Variants in IFNAR2 observed in about 807,000 individuals in gnomAD.
IFNAR2 encodes interferon alpha and beta receptor subunit 2.
In IFNAR2, 30 loss-of-function variants were observed where a neutral mutation model predicts 49.4. That is an observed-to-expected ratio of 0.61 (90% confidence interval 0.45 to 0.82). The LOEUF (loss-of-function observed/expected upper bound fraction) is 0.82, where lower values mean the gene tolerates loss of function less well. Among genes scored for constraint, IFNAR2 ranks in the 40% least tolerant of loss-of-function variants. The pLI, the probability that IFNAR2 is intolerant of heterozygous loss-of-function variation, is 0.00. For missense variants in IFNAR2, 600 were observed against 622.7 expected, an observed-to-expected ratio of 0.96 and a Z score of 0.39; for synonymous variants, 224 against 234.5, an observed-to-expected ratio of 0.96 and a Z score of 0.41.
At chr21:33,232,333 G>C (rs534382599) in intron 1 of IFNAR2, among the ~76,000 whole-genome samples, 4 of 152,228 alleles carry the variant, frequency 2.6e-5, no homozygotes, top group African/African-American at 9.6e-5. Context: ...CAGGTAATTG[G>C]CAGAGGAGGT....
At chr21:33,252,886 C>A in intron 7 of IFNAR2, 56 bp downstream of exon 7, 1 of 1,334,122 alleles carries the variant, frequency 7.5e-7, no homozygotes, top group Non-Finnish European at 1.1e-6. Context: ...ACTCTGAGGG[C>A]AAGCCTATTT....
intron 5 of IFNAR2, 117 bp from the exon 6 acceptor site, chr21:33,248,592 A>T: frequency 1.2e-6 from 1 of 832,204 alleles, no homozygotes; most frequent in African/African-American, 1.8e-5. Context: ...AAAAATTATG[A>T]TGTAAATCAG....
At position 33,265,305 on chromosome 21, in the gene IFNAR2, G is replaced by C. The variant is rs1988888950; in HGVS notation, c.*1805G>C. On this transcript the variant is annotated 3_prime_UTR_variant, in exon 9 of 9. Transcript: ENST00000342136. ...TACCCCTCACCCCTGCCCCCCTCAA[G>C]AGCTGGTTTCTCAAACCTTTCTCTT... The C allele has an allele frequency of 6.6e-6, 1 of 152,266 alleles. No individual in the cohort carries two copies. Among genetic ancestry groups the C allele is most frequent in the African/African-American group, 2.4e-5 (1 of 41,442 alleles). The allele number at this position is 152,266 out of a possible 1,614,324, so 9.4% of individuals were successfully genotyped here. A position where few individuals can be genotyped will look rare whatever the true frequency, so the allele number is the denominator to read the frequency against.
rs776250783 is a variant in IFNAR2, at chr21:33,260,635, G to A, written c.748G>A (p.Val250Met). ...ESAKIGGIIT[V>M]FLIALVLTST... ...TGCCAAAATAGGAGGAATAATTACT[G>A]TGTTTTTGATAGCATTGGTCTTGAC... is the stretch of plus-strand genomic sequence containing the variant. The change falls in exon 8 of 9, where the codon GTG (valine) becomes ATG (methionine). Residue 250 changes from valine to methionine, a missense_variant. Coordinates refer to ENST00000342136, the MANE Select transcript of IFNAR2 (RefSeq NM_001289125.3). The A allele has an allele frequency of 6.3e-7, 1 of 1,598,210 alleles. No homozygotes were observed. The highest frequency in any genetic ancestry group is 2.3e-5 in the East Asian group (1 of 44,116).
Position 33,230,479 on chromosome 21 carries a change from C to T in IFNAR2, c.-84+263C>T. ...CCACGCGTCGCCCCTGCTGGGAGTC[C>T]GCTTTCGTTGCACCCCTCCGCGTCC... On this transcript the variant is annotated intron_variant, in intron 1 of 8. Transcript: ENST00000342136. This position sits in a 1 kb window ranked among gnomAD's most constrained non-coding sequence, Gnocchi z 5.5. 2.1e-6 allele frequency: 1 copy of T among 470,204 alleles called. No individual in the cohort carries two copies. Among genetic ancestry groups the T allele is most frequent in the Non-Finnish European group, 4.4e-6 (1 of 226,846 alleles). The allele number at this position is 470,204 out of a possible 1,614,324, so 29.1% of individuals were successfully genotyped here.
Position 33,260,660 on chromosome 21 carries a change from C to T in IFNAR2, c.773C>T (p.Thr258Ile). 1 of 1,604,486 alleles carries T rather than the reference C, an allele frequency of 6.2e-7. No individual in the cohort carries two copies. The highest frequency in any genetic ancestry group is 8.5e-7 in the Non-Finnish European group (1 of 1,177,908). The change falls in exon 8 of 9, where the codon ACA (threonine) becomes ATA (isoleucine). Residue 258 changes from threonine (T) to isoleucine (I), a missense_variant. Transcript: ENST00000342136. The part of the protein sequence containing the change: ...ITVFLIALVL[T>I]STIVTLKWIG... ...GTGTTTTTGATAGCATTGGTCTTGA[C>T]AAGCACCATAGTGACACTGAAATGG... is the stretch of plus-strand genomic sequence containing the variant.
At chr21:33,262,563 G>A in intron 8 of IFNAR2, 1 of 703,604 alleles carries the variant, frequency 1.4e-6, no homozygotes, top group Non-Finnish European at 2.6e-6. Context: ...TTTTTTAGAG[G>A]CAAGGTCTCG....
At position 33,231,678 on chromosome 21, in the gene IFNAR2, C is replaced by A. The variant is rs1434622142; in HGVS notation, c.-84+1462C>A. 3 of 984,618 alleles carry A rather than the reference C, an allele frequency of 3.0e-6. No homozygotes were observed. In the African/African-American group the frequency reaches 5.2e-5, roughly 17 times the overall value. The allele number at this position is 984,618 out of a possible 1,614,324, so 61.0% of individuals were successfully genotyped here. The stretch of plus-strand genomic sequence containing the variant: ...TACCTTTATAAACCTTCAAACTGTT[C>A]AAGAGTCAATGGTATGTATCATCTT... On this transcript the variant is annotated intron_variant, in intron 1 of 8. Transcript: ENST00000342136.
intron 1 of IFNAR2, among the ~76,000 whole-genome samples, chr21:33,237,656 C>G (rs1462344866): frequency 2.0e-5 from 3 of 152,198 alleles, no homozygotes; most frequent in Non-Finnish European, 2.9e-5. Flanking sequence ...ATCAAGATAT[C>G]TCAGCAGATG....
At chr21:33,249,494 C>T (rs1049229345) in intron 6 of IFNAR2, among the ~76,000 whole-genome samples, 4 of 152,208 alleles carry the variant, frequency 2.6e-5, no homozygotes, top group Admixed American at 6.5e-5. Context: ...CTGAGCCACC[C>T]GTGAAAAGCA....
chr21:33,260,509 T>G (rs1988490002), intron 7 of IFNAR2, 88 bp from the exon 8 acceptor site: 3 of 1,254,896 alleles, frequency 2.4e-6, no homozygotes, highest in Non-Finnish European at 3.2e-6. Flanking sequence ...TTGATCATCT[T>G]GTAACACCAG....
chr21:33,245,541 A>G (rs752068211), intron 4 of IFNAR2, among the ~76,000 whole-genome samples: 24 of 152,250 alleles, frequency 1.6e-4, no homozygotes, highest in Non-Finnish European at 2.9e-4. Context: ...GCCTGGGTCC[A>G]TAGTCTGGTT....
At chr21:33,252,317 T>C (rs544158134) in intron 6 of IFNAR2, 147 of 563,758 alleles carry the variant, frequency 2.6e-4, no homozygotes, top group Non-Finnish European at 4.1e-4. Context: ...CTTTCTCAAG[T>C]GTAAAGTAGA....
chr21:33,247,250 C>T (rs17860203), intron 5 of IFNAR2, among the ~76,000 whole-genome samples: 34,297 of 81,328 alleles, frequency 0.42, 5,524 homozygotes, highest in African/African-American at 0.48. Flanking sequence ...TTCTTTCTTT[C>T]TTTCTTTTTT....
intron 5 of IFNAR2, 68 bp downstream of exon 5, chr21:33,246,958 A>C: frequency 7.3e-7 from 1 of 1,368,308 alleles, no homozygotes; most frequent in Non-Finnish European, 1.0e-6. Flanking sequence ...CTATTCCATG[A>C]AATAGGAGGT....
chr21:33,242,094 C>A, intron 2 of IFNAR2, 117 bp downstream of exon 2: 1 of 850,760 alleles, frequency 1.2e-6, no homozygotes, highest in Non-Finnish European at 1.8e-6. Context: ...CAGTACCACC[C>A]TGCCTAGTGT....
At chr21:33,256,645 T>C (rs990049910) in intron 7 of IFNAR2, among the ~76,000 whole-genome samples, 3 of 152,232 alleles carry the variant, frequency 2.0e-5, no homozygotes, top group Non-Finnish European at 4.4e-5. Context: ...ATGGTTTGTC[T>C]CTTTTATTAA....
At chr21:33,246,992 G>T in intron 5 of IFNAR2, 102 bp downstream of exon 5, 1 of 965,564 alleles carries the variant, frequency 1.0e-6, no homozygotes. Flanking sequence ...TTAGACCTGG[G>T]GCTGGGCTCA....
At chr21:33,260,220 C>T (rs1357773074) in intron 7 of IFNAR2, among the ~76,000 whole-genome samples, 7 of 152,126 alleles carry the variant, frequency 4.6e-5, no homozygotes, top group Non-Finnish European at 8.8e-5. Flanking sequence ...TCTTCCTGCC[C>T]GCAGCGCATG....
Sources: gnomAD v4.1 joint callset for allele counts (sites outside exome capture counted in the v4.1 genomes callset) on GRCh38, gnomAD v4.1.1 for gene constraint, Gnocchi (gnomAD v3.1) non-coding constraint, MANE v1.5 for transcripts, NCBI Gene and HGNC (gene_info 2026-07-23, HGNC 2026-07-21) for gene names.